The following SPRY3 variants were observed in gnomAD, a reference collection of about 807,000 sequenced individuals.
SPRY3 encodes the protein protein sprouty homolog 3.
Under a neutral mutation model 20.2 loss-of-function variants are expected in SPRY3, and 15 were observed. The observed-to-expected ratio is 0.74, with a 90% CI of 0.50 to 1.14. The LOEUF is 1.14. Among genes scored for constraint, SPRY3 ranks in the 50% most tolerant of loss-of-function variants. The pLI, the probability that SPRY3 is intolerant of heterozygous loss-of-function variation, is 0.00. For missense variants in SPRY3, 364 were observed against 363.9 expected (o/e 1.00, Z 0.00); for synonymous variants, 143 against 136.5 (o/e 1.05, Z -0.33).
At chrX:155,614,179 G>T (rs1221063364) in intron 1 of SPRY3, among the ~76,000 whole-genome samples, 1 of 111,713 alleles carries the variant, frequency 9.0e-6, no homozygotes, top group Non-Finnish European at 1.9e-5. Flanking sequence ...TAAGATCTGG[G>T]TGTAAAATGA....
chrX:155,614,995 G>T (rs1557348731), intron 1 of SPRY3, among the ~76,000 whole-genome samples: 1 of 110,873 alleles, frequency 9.0e-6, no homozygotes, highest in African/African-American at 3.3e-5. Flanking sequence ...TCATGCATTT[G>T]TCCCTCACTG....
chrX:155,773,718 C>T (rs2091398875), intron 3 of SPRY3, 48 bp from the exon 3 acceptor site: 2 of 856,170 alleles, frequency 2.3e-6, no homozygotes, highest in Non-Finnish European at 3.7e-6. Context: ...TTGCAAAGTA[C>T]TTATGCCTGT....
At chrX:155,761,075 C>G (rs1397262980) in intron 2 of SPRY3, among the ~76,000 whole-genome samples, 4 of 152,096 alleles carry the variant, frequency 2.6e-5, no homozygotes, top group African/African-American at 9.7e-5. Context: ...TATAACTCTG[C>G]CATGATTTTT....
At chrX:155,716,156 C>T (rs953111365) in intron 2 of SPRY3, among the ~76,000 whole-genome samples, 6 of 152,086 alleles carry the variant, frequency 3.9e-5, no homozygotes, top group Non-Finnish European at 8.8e-5. Context: ...TTTCTTGCCC[C>T]TGCTTTAATC....
intron 2 of SPRY3, among the ~76,000 whole-genome samples, chrX:155,671,564 GTATGTATGTATA>G (rs1267039297): frequency 9.0e-6 from 1 of 110,700 alleles, no homozygotes; most frequent in African/African-American, 3.3e-5. Flanking sequence ...TCTCCATTTT[GTATGTATGTATA>G]TATGTATGTA....
exon 4 of SPRY3, chrX:155,775,849 C>T (rs1254286314): frequency 2.4e-5 from 4 of 167,064 alleles, no homozygotes; most frequent in Non-Finnish European, 5.9e-5. Flanking sequence ...CTGCATGGCT[C>T]AGGCGTTAAT....
chrX:155,708,288 A>G (rs1041872827), intron 2 of SPRY3, among the ~76,000 whole-genome samples: 2 of 151,436 alleles, frequency 1.3e-5, no homozygotes, highest in South Asian at 2.1e-4. Context: ...TCTGAATAAC[A>G]TAGTATTCTT....
intron 2 of SPRY3, among the ~76,000 whole-genome samples, chrX:155,685,002 G>A (rs971628407): frequency 9.0e-6 from 1 of 111,183 alleles, no homozygotes; most frequent in Non-Finnish European, 1.9e-5. Flanking sequence ...GTTTTTCTAC[G>A]GCTGATTTCA....
chrX:155,767,288 C>T (rs983583354), intron 2 of SPRY3, among the ~76,000 whole-genome samples: 7 of 151,822 alleles, frequency 4.6e-5, no homozygotes, highest in Non-Finnish European at 7.4e-5. Flanking sequence ...CCCATCCTCC[C>T]CTATAACCCA....
chrX:155,761,982 T>C lies in SPRY3; in HGVS notation c.-281-5980T>C, dbSNP rs187814757. ...TCTTTCGTGTTAACAAGCCTTAAAATTCCTCAAGTTCCTCTCCTGTCTTGT... is the reference window on the plus strand; with the variant it reads ...TCTTTCGTGTTAACAAGCCTTAAAACTCCTCAAGTTCCTCTCCTGTCTTGT... On this transcript the variant is annotated intron_variant, in intron 2 of 3. Transcript: ENST00000675360. Among the ~76,000 whole-genome samples, 49 of 152,254 alleles carry C rather than the reference T, an allele frequency of 3.2e-4. 1 individual carries two copies. The East Asian group carries it at 9.1e-3, about 28-fold the overall frequency.
intron 2 of SPRY3, among the ~76,000 whole-genome samples, chrX:155,730,778 G>A (rs2091127852): frequency 6.6e-6 from 1 of 151,924 alleles, no homozygotes; most frequent in South Asian, 2.1e-4. Flanking sequence ...GACTCCACCA[G>A]AAACCTATTG....
rs150629020 is a variant in SPRY3 at position 155,750,294 on chromosome X, G to C, written c.-281-17668G>C. On this transcript the variant is annotated intron_variant, in intron 2 of 3. Coordinates refer to ENST00000675360, the Ensembl canonical transcript of SPRY3. The stretch of plus-strand genomic sequence containing the variant: ...AGACTAGTGCGGGGGGAAGGGAAGA[G>C]TGTAAGGGTTGAAAAACTAACTGTT... 6.6e-3 allele frequency among the ~76,000 whole-genome samples: 1,003 copies of C among 151,940 alleles called. 6 individuals are homozygous for C. The highest frequency in any genetic ancestry group is 0.023 in the African/African-American group (954 of 41,478).
chrX:155,733,489 G>T (rs915766366), intron 2 of SPRY3, among the ~76,000 whole-genome samples: 1 of 151,634 alleles, frequency 6.6e-6, no homozygotes, highest in Admixed American at 6.6e-5. Flanking sequence ...ACTGGTAACA[G>T]ATTTGCTGTC....
chrX:155,720,183 G>A (rs1433404561), intron 2 of SPRY3, among the ~76,000 whole-genome samples: 3 of 152,168 alleles, frequency 2.0e-5, no homozygotes, highest in South Asian at 2.1e-4. Context: ...GCCTGTGATC[G>A]TGTTGGCCAC....
intron 2 of SPRY3, among the ~76,000 whole-genome samples, chrX:155,657,441 A>G (rs1327398232): frequency 8.9e-6 from 1 of 111,800 alleles, no homozygotes; most frequent in Non-Finnish European, 1.9e-5. Context: ...CTCAAACCTC[A>G]GTAATGGCAG....
At chrX:155,721,175 A>G (rs1016390219) in intron 2 of SPRY3, among the ~76,000 whole-genome samples, 2 of 152,214 alleles carry the variant, frequency 1.3e-5, no homozygotes, top group Non-Finnish European at 2.9e-5. Context: ...GAGTCTTTCC[A>G]TAACAGAATT....
chrX:155,652,940 T>A (rs2067981566), intron 1 of SPRY3, among the ~76,000 whole-genome samples: 1 of 112,112 alleles, frequency 8.9e-6, no homozygotes, highest in East Asian at 2.8e-4. Context: ...TATCTAATTG[T>A]TGTTTTGATT....
At chrX:155,659,115 C>CTTTT (rs1425233710) in intron 2 of SPRY3, among the ~76,000 whole-genome samples, 1 of 94,166 alleles carries the variant, frequency 1.1e-5, no homozygotes, top group Non-Finnish European at 2.1e-5. Flanking sequence ...TTCTTTCTTT[C>CTTTT]TTTCTTTCTT....
rs1270291210 is a variant in SPRY3 at position 155,691,106 on chromosome X, T to C, written c.-282+34081T>C. Among the ~76,000 whole-genome samples, 20 of 87,612 alleles carry C rather than the reference T, an allele frequency of 2.3e-4. 2 individuals are homozygous for C. Among genetic ancestry groups the C allele is most frequent in the Non-Finnish European group, 3.8e-4 (18 of 46,847 alleles). The allele number at this position is 87,612 out of a possible 115,157, so 76.1% of individuals were successfully genotyped here. A position where few individuals can be genotyped will look rare whatever the true frequency, so the allele number is the denominator to read the frequency against. On this transcript the variant is annotated intron_variant, in intron 2 of 3. Coordinates refer to ENST00000675360, the Ensembl canonical transcript of SPRY3. ...TTCCTATGTTTTCTCCTAGAATTGTTACGGTTTTATCTATTTAATTTTTCG... is the reference window on the plus strand; with the variant it reads ...TTCCTATGTTTTCTCCTAGAATTGTCACGGTTTTATCTATTTAATTTTTCG...
Sources: allele counts gnomAD v4.1 joint callset (sites outside exome capture counted in the v4.1 genomes callset), GRCh38; gene constraint gnomAD v4.1.1; transcripts MANE v1.5; gene names NCBI Gene and HGNC (gene_info 2026-07-23, HGNC 2026-07-21).